The following LDB2 variants were observed in gnomAD, a reference collection of about 807,000 sequenced individuals.
LDB2 encodes LIM domain binding 2, also known as LIM domain-binding protein 2.
A neutral mutation model predicts 44.3 loss-of-function variants in LDB2; 12 were observed. The observed-to-expected ratio is 0.27, with a 90% confidence interval of 0.17 to 0.44. The LOEUF is 0.44. LDB2 is among the 20% of genes least tolerant of loss of function. The pLI, the probability that LDB2 is intolerant of heterozygous loss-of-function variation, is 1.00. For synonymous variants in LDB2, 164 were observed against 174.8 expected, an observed-to-expected ratio of 0.94 and a Z score of 0.49; for missense variants, 344 against 473.5, an observed-to-expected ratio of 0.73 and a Z score of 2.54.
rs148174921 is a variant in LDB2 at position 16,676,001 on chromosome 4, C to A, written c.236-80126G>T. 5.8e-3 allele frequency among the ~76,000 whole-genome samples: 882 copies of A among 152,238 alleles called. 5 individuals carry two copies. Among genetic ancestry groups the A allele is most frequent in the Middle Eastern group, 0.017 (5 of 294 alleles). ...GGCATATTGGTAGGTGCCCTTTAAG[C>A]TTTTATAAGTAATAATAACAGTATT... is the stretch of plus-strand genomic sequence containing the variant. On this transcript the variant is annotated intron_variant, in intron 2 of 7. Transcript: ENST00000304523.
intron 2 of LDB2, among the ~76,000 whole-genome samples, chr4:16,631,190 C>A (rs1222136448): frequency 1.3e-5 from 2 of 152,166 alleles, no homozygotes; most frequent in African/African-American, 4.8e-5. Context: ...GGAAATAAAA[C>A]ACTCCTCAGC....
chr4:16,531,997 G>A (rs1184611028), intron 5 of LDB2, among the ~76,000 whole-genome samples: 3 of 143,214 alleles, frequency 2.1e-5, no homozygotes, highest in Non-Finnish European at 3.0e-5. Flanking sequence ...CTAATAAAAG[G>A]CTTTTTCTGA....
At chr4:16,620,670 G>C (rs912505641) in intron 2 of LDB2, among the ~76,000 whole-genome samples, 2 of 152,146 alleles carry the variant, frequency 1.3e-5, no homozygotes, top group African/African-American at 4.8e-5. Context: ...TGAAACTTGG[G>C]CATGTGTAGC....
At chr4:16,891,638 T>C (rs1723443100) in intron 1 of LDB2, among the ~76,000 whole-genome samples, 1 of 152,036 alleles carries the variant, frequency 6.6e-6, no homozygotes, top group Non-Finnish European at 1.5e-5. Flanking sequence ...AGGAGTGTAA[T>C]TTGGGTTTTT....
chr4:16,663,812 C>T (rs538482820), intron 2 of LDB2, among the ~76,000 whole-genome samples: 1 of 152,212 alleles, frequency 6.6e-6, no homozygotes, highest in Admixed American at 6.5e-5. Context: ...TCTAACCTTC[C>T]AAGACTGTCA....
At position 16,556,605 on chromosome 4, in the gene LDB2, T is replaced by A. The variant is rs115426613; in HGVS notation, c.615+29317A>T. 3.0e-3 allele frequency among the ~76,000 whole-genome samples: 459 copies of A among 152,336 alleles called. 2 individuals are homozygous for A. Among genetic ancestry groups the A allele is most frequent in the Non-Finnish European group, 3.7e-3 (249 of 68,024 alleles). ...CATAGTCATTGCTGCAGCTAGAAAT[T>A]GCCTGAAGCCACTGGGAAATTAATA... On this transcript the variant is annotated intron_variant, in intron 5 of 7. Transcript: ENST00000304523.
chr4:16,898,591 T>TCA lies in LDB2; in HGVS notation c.-108_-107dup, dbSNP rs996412388. 3.9e-4 allele frequency: 426 copies of TCA among 1,097,260 alleles called. No individual in the cohort carries two copies. Among genetic ancestry groups the TCA allele is most frequent in the African/African-American group, 7.6e-4 (48 of 62,950 alleles). 68.0% of individuals were successfully genotyped at this position (1,097,260 alleles called of 1,614,324 possible). A position where few individuals can be genotyped will look rare whatever the true frequency, so the allele number is the denominator to read the frequency against. ...ACAAAGTAGACGCACGCACACACGCTCACACACACACAGAGGCAGGCAGGC... is the reference window on the plus strand; with the variant it reads ...ACAAAGTAGACGCACGCACACACGCTCACACACACACACAGAGGCAGGCAGGC... On this transcript the variant is annotated 5_prime_UTR_variant, in exon 1 of 8. Transcript: ENST00000304523.
intron 1 of LDB2, among the ~76,000 whole-genome samples, chr4:16,840,173 C>T (rs1160401871): frequency 6.6e-6 from 1 of 152,122 alleles, no homozygotes; most frequent in African/African-American, 2.4e-5. Flanking sequence ...GCTCAACTAT[C>T]AACTCTGATA....
At chr4:16,623,265 G>T (rs1034982308) in intron 2 of LDB2, among the ~76,000 whole-genome samples, 1 of 152,190 alleles carries the variant, frequency 6.6e-6, no homozygotes, top group African/African-American at 2.4e-5. Flanking sequence ...GTTCTGCAAA[G>T]AAATGCCATT....
intron 5 of LDB2, among the ~76,000 whole-genome samples, chr4:16,512,845 C>CAAAG (rs2152240650): frequency 6.6e-6 from 1 of 152,224 alleles, no homozygotes; most frequent in African/African-American, 2.4e-5. Flanking sequence ...CATCTGATGA[C>CAAAG]AAAGATTAAT....
At chr4:16,516,794 T>C (rs1003531557) in intron 5 of LDB2, among the ~76,000 whole-genome samples, 5 of 152,200 alleles carry the variant, frequency 3.3e-5, no homozygotes, top group Non-Finnish European at 5.9e-5. Context: ...TGTAAAAATA[T>C]CTTCCCATCG....
At chr4:16,540,287 T>C (rs1222059382) in intron 5 of LDB2, among the ~76,000 whole-genome samples, 1 of 152,104 alleles carries the variant, frequency 6.6e-6, no homozygotes, top group African/African-American at 2.4e-5. Context: ...GGGTGAAGCC[T>C]AACTGCTTTA....
chr4:16,729,468 A>G (rs1760261596), intron 2 of LDB2, among the ~76,000 whole-genome samples: 1 of 152,164 alleles, frequency 6.6e-6, no homozygotes, highest in Admixed American at 6.6e-5. Context: ...AAAAGTACAA[A>G]ACACACCGGC....
At chr4:16,556,738 A>C (rs574476480) in intron 5 of LDB2, among the ~76,000 whole-genome samples, 4 of 152,364 alleles carry the variant, frequency 2.6e-5, no homozygotes, top group African/African-American at 9.6e-5. Flanking sequence ...ATATAACAAC[A>C]GAAAACATGG....
intron 1 of LDB2, among the ~76,000 whole-genome samples, chr4:16,766,468 A>ATATG (rs1491488226): frequency 2.4e-5 from 1 of 41,310 alleles, no homozygotes; most frequent in African/African-American, 4.5e-5. Flanking sequence ...ACACACATAT[A>ATATG]TGTGTGTGTG....
chr4:16,753,126 C>A (rs779667155), intron 2 of LDB2, among the ~76,000 whole-genome samples: 1 of 152,198 alleles, frequency 6.6e-6, no homozygotes, highest in Non-Finnish European at 1.5e-5. Context: ...AGAGCACATT[C>A]TTTGCATGTA....
intron 2 of LDB2, among the ~76,000 whole-genome samples, chr4:16,729,079 A>G (rs907542244): frequency 2.6e-5 from 4 of 152,192 alleles, no homozygotes; most frequent in African/African-American, 9.6e-5. Flanking sequence ...GAAAATATGG[A>G]TGACAAGCTC....
chr4:16,767,993 A>T (rs1338794397), intron 1 of LDB2, among the ~76,000 whole-genome samples: 1 of 152,138 alleles, frequency 6.6e-6, no homozygotes, highest in African/African-American at 2.4e-5. Flanking sequence ...CTCTTCACCA[A>T]AAACAGGATC....
chr4:16,599,008 G>A (rs556538908), intron 2 of LDB2, among the ~76,000 whole-genome samples: 8 of 152,124 alleles, frequency 5.3e-5, no homozygotes, highest in Admixed American at 3.3e-4. Flanking sequence ...AGAATAAAGA[G>A]GAAGTGATGA....
Sources: gnomAD v4.1 joint callset for allele counts (sites outside exome capture counted in the v4.1 genomes callset) on GRCh38, gnomAD v4.1.1 for gene constraint, MANE v1.5 for transcripts, NCBI Gene and HGNC (gene_info 2026-07-23, HGNC 2026-07-21) for gene names.